Variants in CTNNA2 observed in about 807,000 individuals in gnomAD.
CTNNA2 encodes the protein catenin alpha 2.
A neutral mutation model predicts 101.0 loss-of-function variants in CTNNA2; 42 were observed. The observed-to-expected ratio is 0.42, with a 90% confidence interval of 0.32 to 0.54. The LOEUF (loss-of-function observed/expected upper bound fraction) is 0.54. CTNNA2 is among the 20% of genes least tolerant of loss of function. The pLI is 0.14. For synonymous variants in CTNNA2, 450 were observed against 456.4 expected (o/e 0.99, Z 0.18); for missense variants, 871 against 1,223.1 (o/e 0.71, Z 4.29).
intron 4 of CTNNA2, among the ~76,000 whole-genome samples, chr2:79,471,422 A>G (rs990314184): frequency 3.9e-5 from 6 of 152,126 alleles, no homozygotes; most frequent in Non-Finnish European, 5.9e-5. Context: ...TTCTCCTTAT[A>G]TCCTCCCATG....
At chr2:79,718,401 C>T (rs997283108) in intron 2 of CTNNA2, among the ~76,000 whole-genome samples, 5 of 151,982 alleles carry the variant, frequency 3.3e-5, no homozygotes, top group Admixed American at 2.0e-4. Context: ...GAAATTGGTT[C>T]ATTAGTTCTA....
intron 2 of CTNNA2, among the ~76,000 whole-genome samples, chr2:79,301,155 C>T (rs1012111756): frequency 2.6e-5 from 4 of 151,986 alleles, no homozygotes; most frequent in African/African-American, 9.7e-5. Flanking sequence ...GTGTTGAGTC[C>T]CCTGTTCTGT....
At position 79,850,784 on chromosome 2, in the gene CTNNA2, TAA is replaced by T. The variant is rs577305762; in HGVS notation, c.299-7226_299-7225del. 1.3e-3 allele frequency among the ~76,000 whole-genome samples: 202 copies of T among 152,302 alleles called. 1 individual carries two copies. The highest frequency in any genetic ancestry group is 4.4e-3 in the African/African-American group (184 of 41,566). On this transcript the variant is annotated intron_variant, in intron 3 of 18. Coordinates refer to ENST00000402739, the MANE Select transcript of CTNNA2 (RefSeq NM_001282597.3). ...TCCTTCATCAGATTCTCTTCAGTAG[TAA>T]AAGAGTTGATACAGGTTAAGCTCTT...
At chr2:80,428,991 A>G (rs1398401108) in intron 9 of CTNNA2, among the ~76,000 whole-genome samples, 2 of 152,198 alleles carry the variant, frequency 1.3e-5, no homozygotes, top group Non-Finnish European at 2.9e-5. Flanking sequence ...AAGTTTCTCT[A>G]ATCAATTGAG....
At chr2:79,395,176 C>T (rs1287078023) in intron 4 of CTNNA2, among the ~76,000 whole-genome samples, 4 of 152,092 alleles carry the variant, frequency 2.6e-5, no homozygotes, top group Non-Finnish European at 4.4e-5. Flanking sequence ...TATGTCCTAA[C>T]TATTTTGTCT....
chr2:80,634,052 T>G (rs1294801033), intron 18 of CTNNA2, among the ~76,000 whole-genome samples: 1 of 152,194 alleles, frequency 6.6e-6, no homozygotes, highest in East Asian at 1.9e-4. Context: ...CCTAGCTTTG[T>G]GTCTTTGGAC....
chr2:80,610,272 G>T (rs1698349242), intron 17 of CTNNA2, among the ~76,000 whole-genome samples: 1 of 151,464 alleles, frequency 6.6e-6, no homozygotes, highest in South Asian at 2.1e-4. Context: ...CTCCTTCACT[G>T]ATGGCCAATG....
chr2:80,357,037 C>T (rs1382582655), intron 7 of CTNNA2, among the ~76,000 whole-genome samples: 2 of 152,138 alleles, frequency 1.3e-5, no homozygotes, highest in African/African-American at 2.4e-5. Context: ...GCTAACCACT[C>T]ATAATCAAGC....
intron 7 of CTNNA2, among the ~76,000 whole-genome samples, chr2:80,362,092 T>C (rs1674466370): frequency 6.6e-6 from 1 of 152,098 alleles, no homozygotes; most frequent in South Asian, 2.1e-4. Flanking sequence ...CAAACTCTTA[T>C]CTTTATGACA....
chr2:79,650,453 A>G (rs975766180), intron 1 of CTNNA2, among the ~76,000 whole-genome samples: 5 of 152,054 alleles, frequency 3.3e-5, no homozygotes, highest in African/African-American at 9.7e-5. Context: ...TGATATTCTC[A>G]GGGGTCAGTT....
intron 4 of CTNNA2, among the ~76,000 whole-genome samples, chr2:79,487,259 A>AT (rs5832393): frequency 1 from 151,887 of 152,358 alleles, 75,709 homozygotes; most frequent in Middle Eastern, 1. Flanking sequence ...ACGTTGCAAA[A>AT]AACTATCTTT....
At chr2:80,193,337 G>A (rs532409280) in intron 7 of CTNNA2, among the ~76,000 whole-genome samples, 1 of 152,278 alleles carries the variant, frequency 6.6e-6, no homozygotes, top group Admixed American at 6.5e-5. Context: ...GGTAAAGTAG[G>A]TGTAATAGAA....
intron 1 of CTNNA2, among the ~76,000 whole-genome samples, chr2:79,640,239 G>A (rs1558794163): frequency 6.6e-6 from 1 of 152,136 alleles, no homozygotes; most frequent in Non-Finnish European, 1.5e-5. Context: ...TAAACAGGGA[G>A]ACTTCCTAAA....
intron 7 of CTNNA2, among the ~76,000 whole-genome samples, chr2:80,124,984 A>AG (rs2148884643): frequency 6.6e-6 from 1 of 152,286 alleles, no homozygotes; most frequent in South Asian, 2.1e-4. Context: ...GGCCTATTCA[A>AG]GGGACAATCG....
At chr2:79,570,859 G>T (rs1026049185) in intron 1 of CTNNA2, among the ~76,000 whole-genome samples, 1 of 152,098 alleles carries the variant, frequency 6.6e-6, no homozygotes. Context: ...ATATACTCCT[G>T]CCCTCAGGAG....
intron 7 of CTNNA2, among the ~76,000 whole-genome samples, chr2:79,969,581 C>T (rs1690328075): frequency 6.6e-6 from 1 of 152,102 alleles, no homozygotes; most frequent in Non-Finnish European, 1.5e-5. Context: ...GAGAGAAGAA[C>T]AGAAGTAAAC....
At chr2:80,534,894 A>C (rs2149602927) in intron 9 of CTNNA2, among the ~76,000 whole-genome samples, 1 of 152,304 alleles carries the variant, frequency 6.6e-6, no homozygotes, top group South Asian at 2.1e-4. Context: ...GTAATAGCAA[A>C]CATTGGAGAC....
chr2:80,135,243 A>G (rs1702628485), intron 7 of CTNNA2, among the ~76,000 whole-genome samples: 1 of 152,304 alleles, frequency 6.6e-6, no homozygotes, highest in East Asian at 1.9e-4. Flanking sequence ...TACTGCTCCT[A>G]GCAGCCAACA....
intron 15 of CTNNA2, among the ~76,000 whole-genome samples, chr2:80,599,656 G>C (rs1424701950): frequency 6.6e-6 from 1 of 152,118 alleles, no homozygotes; most frequent in Non-Finnish European, 1.5e-5. Flanking sequence ...AACTTTCTTA[G>C]AAGGGTGTTG....
Sources: gnomAD v4.1 joint callset for allele counts (sites outside exome capture counted in the v4.1 genomes callset) on GRCh38, gnomAD v4.1.1 for gene constraint, MANE v1.5 for transcripts, NCBI Gene and HGNC (gene_info 2026-07-23, HGNC 2026-07-21) for gene names.